DYNC2H1: variants seen among roughly 807,000 people sequenced by gnomAD.
DYNC2H1 encodes dynein cytoplasmic 2 heavy chain 1, also known as cytoplasmic dynein 2 heavy chain 1.
DYNC2H1 carries 410 observed loss-of-function variants against 570.0 expected under a neutral mutation model. The observed-to-expected ratio is 0.72, with a 90% CI of 0.66 to 0.78. DYNC2H1 has a LOEUF of 0.78. Among genes scored for constraint, DYNC2H1 ranks in the 30% least tolerant of loss-of-function variants. The probability of loss-of-function intolerance (pLI) is 0.00; values close to 1 mark genes in which losing one functional copy is unlikely to be tolerated. For missense variants in DYNC2H1, 4,865 were observed against 5,046.4 expected (o/e 0.96, Z 1.09); for synonymous variants, 1,688 against 1,677.6 (o/e 1.01, Z -0.15).
At chr11:103,331,507 G>A (rs1355075885) in intron 82 of DYNC2H1, among the ~76,000 whole-genome samples, 6 of 152,102 alleles carry the variant, frequency 3.9e-5, no homozygotes, top group Admixed American at 6.5e-5. Flanking sequence ...CTCAAATCCA[G>A]CCCAACTCCT....
rs1371171019 is a variant in DYNC2H1 at position 103,405,098 on chromosome 11, G to A, written c.12366+5226G>A. ...ATGTTGCGATATGGGAGATTATTCCGAAGCCTGGTAGAATAAGGATATAGA... is the reference window on the plus strand; with the variant it reads ...ATGTTGCGATATGGGAGATTATTCCAAAGCCTGGTAGAATAAGGATATAGA... On this transcript the variant is annotated intron_variant, in intron 84 of 88. Transcript: ENST00000375735. The A allele has an allele frequency of 4.6e-5, 7 of 151,696 alleles. No individual in the cohort carries two copies. The East Asian group carries it at 5.8e-4, about 13-fold the overall frequency. 9.4% of individuals were successfully genotyped at this position (151,696 alleles called of 1,614,324 possible).
chr11:103,241,445 C>G lies in DYNC2H1; in HGVS notation c.9820-2248C>G. The G allele has an allele frequency of 8.0e-7, 1 of 1,253,812 alleles. No homozygotes were observed. Among genetic ancestry groups the G allele is most frequent in the Non-Finnish European group, 1.1e-6 (1 of 880,190 alleles). 77.7% of individuals were successfully genotyped at this position (1,253,812 alleles called of 1,614,324 possible). Reference sequence around the variant, plus strand: ...TAAGATGACAACAAACTTTTAAGTACCCTTTGAAAAACTTAAGCATGTTTT... The same window carrying G: ...TAAGATGACAACAAACTTTTAAGTAGCCTTTGAAAAACTTAAGCATGTTTT... On this transcript the variant is annotated intron_variant, in intron 63 of 88. Transcript: ENST00000375735. This position sits in a 1 kb window ranked among gnomAD's most constrained non-coding sequence, Gnocchi z 5.1.
chr11:103,365,089 G>A (rs1043214068), intron 83 of DYNC2H1, among the ~76,000 whole-genome samples: 6 of 152,078 alleles, frequency 3.9e-5, no homozygotes, highest in African/African-American at 9.7e-5. Context: ...GCCCAGGTGC[G>A]GTGGCTCATG....
At chr11:103,116,009 AC>A in intron 4 of DYNC2H1, among the ~76,000 whole-genome samples, 1 of 152,248 alleles carries the variant, frequency 6.6e-6, no homozygotes, top group South Asian at 2.1e-4. Flanking sequence ...AAATTGAGTG[AC>A]CATTTTAAGT....
chr11:103,270,102 AG>A (rs1462189688), intron 70 of DYNC2H1, among the ~76,000 whole-genome samples: 2 of 151,936 alleles, frequency 1.3e-5, no homozygotes, highest in South Asian at 4.2e-4. Context: ...CTGAGGCACG[AG>A]AATTGCTTGA....
At chr11:103,223,968 G>A (rs993733604) in intron 59 of DYNC2H1, among the ~76,000 whole-genome samples, 4 of 151,358 alleles carry the variant, frequency 2.6e-5, no homozygotes, top group African/African-American at 9.7e-5. Flanking sequence ...AGATGATCTC[G>A]ATCTCCTGAC....
In DYNC2H1 at chr11:103,155,385, T is replaced by C; in HGVS notation, c.3628T>C (p.Trp1210Arg). 6.2e-7 allele frequency: 1 copy of C among 1,612,030 alleles called. No homozygotes were observed. Among genetic ancestry groups the C allele is most frequent in the Non-Finnish European group, 8.5e-7 (1 of 1,179,014 alleles). The change falls in exon 25 of 89, where the codon TGG becomes CGG. Residue 1210 changes from tryptophan (W) to arginine (R), a missense_variant. Trp to Arg is a moderately radical substitution (Grantham distance 101). This residue lies in a region of DYNC2H1 where 1,936 missense variants were observed against 1,962.1 expected (regional missense o/e 0.99). Coordinates refer to ENST00000375735, the MANE Select transcript of DYNC2H1 (RefSeq NM_001377.3). Reference sequence around the variant, plus strand: ...AGGGGAGCATCTTTCTCCAGATCACTGGCTTGACCTTTTTCGTCTCCTTGG... The same window carrying C: ...AGGGGAGCATCTTTCTCCAGATCACCGGCTTGACCTTTTTCGTCTCCTTGG... ...VRGEHLSPDHWLDLFRLLGLP... is the reference protein window; with the variant it reads ...VRGEHLSPDHRLDLFRLLGLP...
chr11:103,335,966 G>A (rs536792814), intron 82 of DYNC2H1, among the ~76,000 whole-genome samples: 19 of 152,220 alleles, frequency 1.2e-4, no homozygotes, highest in African/African-American at 4.6e-4. Context: ...ACTTAAATGT[G>A]TTACTGAATA....
intron 87 of DYNC2H1, among the ~76,000 whole-genome samples, chr11:103,467,509 CTGTTT>C (rs6144488): frequency 0.35 from 52,699 of 148,914 alleles, 9,757 homozygotes; most frequent in Non-Finnish European, 0.42. Flanking sequence ...TTTGAAGGCA[CTGTTT>C]TGTTTTGTTT....
In DYNC2H1 at chr11:103,186,315, G is replaced by A. The variant is rs773343198; in HGVS notation, c.6707G>A (p.Gly2236Asp). ...GATACCTACTATGACTCTACTAGGG[G>A]TCGATTAGCAACATATGTGCTTAAG... The part of the protein sequence containing the change: ...PMDTYYDSTR[G>D]RLATYVLKKP... Residue 2236 changes from glycine (G) to aspartate (D), a missense_variant, in exon 42 of 89, where the codon GGT becomes GAT. This residue lies in a region of DYNC2H1 where 2,401 missense variants were observed against 2,454.6 expected (regional missense o/e 0.98). Transcript: ENST00000375735. The surrounding 1 kb of genome is among the most constrained non-coding windows in gnomAD (Gnocchi z 4.5). 5.0e-6 allele frequency: 8 copies of A among 1,612,566 alleles called. No homozygotes were observed. In the South Asian group the frequency reaches 8.8e-5, roughly 18 times the overall value.
intron 2 of DYNC2H1, 74 bp downstream of exon 2, chr11:103,113,781 T>C: frequency 8.7e-7 from 1 of 1,151,388 alleles, no homozygotes; most frequent in African/African-American, 1.6e-5. Flanking sequence ...TAAATATCTA[T>C]TTTTTACTGT....
intron 79 of DYNC2H1, among the ~76,000 whole-genome samples, chr11:103,313,674 C>G (rs562997044): frequency 6.6e-6 from 1 of 152,302 alleles, no homozygotes; most frequent in South Asian, 2.1e-4. Flanking sequence ...GTTGCCTCAA[C>G]TGTAGAACGA....
rs200666592 is a variant in DYNC2H1, at chr11:103,116,526, G to T, written c.622-44G>T. 1,627 of 1,479,950 alleles carry T rather than the reference G, an allele frequency of 1.1e-3. 2 individuals are homozygous for T. The highest frequency in any genetic ancestry group is 1.4e-3 in the Non-Finnish European group (1,491 of 1,093,516). 91.7% of individuals were successfully genotyped at this position (1,479,950 alleles called of 1,614,324 possible). On this transcript the variant is annotated intron_variant, in intron 4 of 88. Transcript: ENST00000375735. ...GAACATTTTGATTATATTACCCAAGGTACAAATATAATTATGTTTAAAAAT... is the reference window on the plus strand; with the variant it reads ...GAACATTTTGATTATATTACCCAAGTTACAAATATAATTATGTTTAAAAAT...
intron 17 of DYNC2H1, among the ~76,000 whole-genome samples, chr11:103,138,596 G>A (rs1220942799): frequency 6.6e-6 from 1 of 152,158 alleles, no homozygotes; most frequent in Non-Finnish European, 1.5e-5. Context: ...TTTTTGATGT[G>A]CTCCTGGATT....
At chr11:103,366,270 A>G (rs1388614967) in intron 83 of DYNC2H1, among the ~76,000 whole-genome samples, 3 of 152,216 alleles carry the variant, frequency 2.0e-5, no homozygotes, top group African/African-American at 7.2e-5. Flanking sequence ...GTTCTTGAGC[A>G]CATGTGTGCA....
Position 103,202,255 on chromosome 11 carries a change from A to T in DYNC2H1, c.8198-1408A>T, listed in dbSNP as rs906726076. Among the ~76,000 whole-genome samples the T allele has an allele frequency of 2.7e-5, 4 of 150,350 alleles. No individual in the cohort carries two copies. In the East Asian group the frequency reaches 7.8e-4, roughly 29 times the overall value. On this transcript the variant is annotated intron_variant, in intron 50 of 88. Transcript: ENST00000375735. ...TATTGCTTCAGTTGTCACTAGATGG[A>T]GACATTGTTCATTTTGGCTGATGAG...
At position 103,249,450 on chromosome 11, in the gene DYNC2H1, C is replaced by T. The variant is rs529692788; in HGVS notation, c.10043-3835C>T. ...CAAATTGAATACACCTGTATAAACA[C>T]CCAGATCAAGACATAAGAGCTTTAT... is the stretch of plus-strand genomic sequence containing the variant. On this transcript the variant is annotated intron_variant, in intron 65 of 88. Coordinates refer to ENST00000375735, the MANE Select transcript of DYNC2H1 (RefSeq NM_001377.3). This position sits in a 1 kb window ranked among gnomAD's most constrained non-coding sequence, Gnocchi z 4.6. Among the ~76,000 whole-genome samples, 1 of 151,836 alleles carries T rather than the reference C, an allele frequency of 6.6e-6. No individual in the cohort carries two copies. Among genetic ancestry groups the T allele is most frequent in the East Asian group, 1.9e-4 (1 of 5,186 alleles).
At chr11:103,260,253 G>A (rs940518942) in intron 70 of DYNC2H1, among the ~76,000 whole-genome samples, 1 of 152,146 alleles carries the variant, frequency 6.6e-6, no homozygotes, top group African/African-American at 2.4e-5. Context: ...AATGGATTAT[G>A]TATCTCATTA....
Position 103,203,660 on chromosome 11 carries a change from T to A in DYNC2H1, c.8198-3T>A. 6.4e-7 allele frequency: 1 copy of A among 1,563,356 alleles called. No individual in the cohort carries two copies. The highest frequency in any genetic ancestry group is 1.2e-5 in the South Asian group (1 of 83,634). ...TTTCAATTAGTCTAATATTTTTCTG[T>A]AGGTGAAGTTCCTGGACTCTATACT... is the stretch of plus-strand genomic sequence containing the variant. On this transcript the variant is annotated splice_region_variant and splice_polypyrimidine_tract_variant and intron_variant, in intron 50 of 88. Transcript: ENST00000375735. This position sits in a 1 kb window ranked among gnomAD's most constrained non-coding sequence, Gnocchi z 4.7.
Sources: allele counts gnomAD v4.1 joint callset (sites outside exome capture counted in the v4.1 genomes callset), GRCh38; gene constraint gnomAD v4.1.1; regional missense constraint gnomAD v4.1.1; non-coding constraint Gnocchi (gnomAD v3.1); transcripts MANE v1.5; gene names NCBI Gene and HGNC (gene_info 2026-07-23, HGNC 2026-07-21).